The following NOTCH2 variants were observed in gnomAD, a reference collection of about 807,000 sequenced individuals.
NOTCH2 encodes the protein notch receptor 2, also known as neurogenic locus notch homolog protein 2.
Under a neutral mutation model 235.8 loss-of-function variants are expected in NOTCH2, and 29 were observed. That is an observed-to-expected ratio of 0.12 (90% CI 0.09 to 0.17). NOTCH2 has a LOEUF of 0.17. NOTCH2 is among the 10% of genes least tolerant of loss of function. The pLI, the probability that NOTCH2 is intolerant of heterozygous loss-of-function variation, is 1.00. For synonymous variants in NOTCH2, 1,086 were observed against 1,141.5 expected (o/e 0.95, Z 0.98); for missense variants, 2,285 against 3,150.2 (o/e 0.73, Z 6.57).
rs1463326610 is a variant in NOTCH2 at position 119,923,926 on chromosome 1, T to G, written c.4570A>C (p.Ser1524Arg). The G allele has an allele frequency of 6.2e-7, 1 of 1,614,200 alleles. No homozygotes were observed. Among genetic ancestry groups the G allele is most frequent in the Admixed American group, 1.7e-5 (1 of 60,020 alleles). Reference sequence around the variant, plus strand: ...AGCCCATCCCAACCACACTCCTCACTGTTGCACCCCTGGTCACAGTGGTTG... The same window carrying G: ...AGCCCATCCCAACCACACTCCTCACGGTTGCACCCCTGGTCACAGTGGTTG... ...KDNHCDQGCN[S>R]EECGWDGLDC... Residue 1524 changes from serine (S) to arginine (R), a missense_variant, in exon 26 of 34, where the codon AGT becomes CGT. Ser to Arg is a moderately radical substitution (Grantham distance 110, BLOSUM62 -1). This residue lies in a region of NOTCH2 where 1,173 missense variants were observed against 1,515.3 expected (regional missense o/e 0.77). Transcript: ENST00000256646.
intron 12 of NOTCH2, 114 bp from the exon 13 acceptor site, chr1:119,955,346 G>C (rs1557820587): frequency 1.9e-6 from 2 of 1,030,332 alleles, no homozygotes; most frequent in Non-Finnish European, 3.0e-6. Context: ...AAGGTGCCTT[G>C]AGGCACCAAA....
rs1295892038 is a variant in NOTCH2 at position 120,041,145 on chromosome 1, C to T, written c.74-11158G>A. Among the ~76,000 whole-genome samples, 2 of 119,774 alleles carry T rather than the reference C, an allele frequency of 1.7e-5. 1 individual carries two copies. Among genetic ancestry groups the T allele is most frequent in the East Asian group, 4.3e-4 (2 of 4,614 alleles). The allele number at this position is 119,774 out of a possible 152,430, so 78.6% of individuals were successfully genotyped here. A position where few individuals can be genotyped will look rare whatever the true frequency, so the allele number is the denominator to read the frequency against. ...TTCTCCCTTGCTTTGTTTCTTCAGACATACAGCTATGTCCCACATCAACAC... is the reference window on the plus strand; with the variant it reads ...TTCTCCCTTGCTTTGTTTCTTCAGATATACAGCTATGTCCCACATCAACAC... On this transcript the variant is annotated intron_variant, in intron 1 of 33. Coordinates refer to ENST00000256646, the MANE Select transcript of NOTCH2 (RefSeq NM_024408.4).
chr1:119,922,667 C>T lies in NOTCH2; in HGVS notation c.4971G>A (p.Gly1657=), dbSNP rs778982203. Residue 1657 remains glycine (G), a synonymous_variant, in exon 27 of 34, where the codon GGG becomes GGA. Transcript: ENST00000256646. ...CAGACACAAGAGGGTATGACAGGGT[C>T]CCCTGTATGGCGTGAGAGGCCAGGA... ...AALLASHAIQ[G]TLSYPLVSVV... 1 of 1,613,990 alleles carries T rather than the reference C, an allele frequency of 6.2e-7. No homozygotes were observed. Among genetic ancestry groups the T allele is most frequent in the African/African-American group, 1.3e-5 (1 of 74,898 alleles).
rs1443569299 is a variant in NOTCH2 at position 119,915,814 on chromosome 1, G to T, written c.6908C>A (p.Pro2303His). 6.2e-7 allele frequency: 1 copy of T among 1,613,562 alleles called. No individual in the cohort carries two copies. Among genetic ancestry groups the T allele is most frequent in the South Asian group, 1.1e-5 (1 of 91,064 alleles). Reference protein sequence around the residue: ...HITTPREPLPPIVTFQLIPKG... With the variant: ...HITTPREPLPHIVTFQLIPKG... The stretch of plus-strand genomic sequence containing the variant: ...AGGGATGAGCTGGAAAGTCACAATG[G>T]GGGGCAAGGGCTCCCGAGGGGTGGT... The change falls in exon 34 of 34, where the codon CCC (proline) becomes CAC (histidine). Residue 2303 changes from proline (P) to histidine (H), a missense_variant. Pro to His is a moderately conservative substitution (Grantham distance 77, BLOSUM62 -2). This residue lies in a region of NOTCH2 where 504 missense variants were observed against 538.0 expected (regional missense o/e 0.94). Transcript: ENST00000256646.
At chr1:119,966,336 G>C (rs782630062) in intron 9 of NOTCH2, 40 bp downstream of exon 9, 1 of 1,386,302 alleles carries the variant, frequency 7.2e-7, no homozygotes, top group Admixed American at 1.7e-5. Context: ...AGTTGGCTTT[G>C]TGCTTTAAGA....
intron 14 of NOTCH2, among the ~76,000 whole-genome samples, chr1:119,952,657 T>C (rs1479495835): frequency 6.6e-6 from 1 of 152,146 alleles, no homozygotes; most frequent in Non-Finnish European, 1.5e-5. Flanking sequence ...GGAGTGGCTA[T>C]AAATACAGAT....
At chr1:119,954,061 C>T (rs1650592087) in intron 13 of NOTCH2, among the ~76,000 whole-genome samples, 2 of 144,684 alleles carry the variant, frequency 1.4e-5, no homozygotes, top group African/African-American at 5.0e-5. Flanking sequence ...GTTTTTGGTG[C>T]CAAATAGATA....
In NOTCH2 at chr1:119,916,714, C is replaced by G; in HGVS notation, c.6028-20G>C. ...CTCTTCCTACAGAAAAGGCCCATCA[C>G]AGAACACATGTTAATAACACTCTTG... On this transcript the variant is annotated intron_variant, in intron 33 of 33. Transcript: ENST00000256646. The G allele has an allele frequency of 1.2e-6, 2 of 1,613,258 alleles. No homozygotes were observed. Among genetic ancestry groups the G allele is most frequent in the South Asian group, 1.1e-5 (1 of 90,934 alleles).
intron 1 of NOTCH2, among the ~76,000 whole-genome samples, chr1:120,045,840 C>A (rs1267585344): frequency 1.4e-4 from 21 of 152,392 alleles, no homozygotes; most frequent in Non-Finnish European, 2.4e-4. Context: ...AATTTACATT[C>A]TGGACCAGTG....
rs1161526792 is a variant in NOTCH2 at position 119,965,447 on chromosome 1, T to A, written c.1681+6A>T. The A allele has an allele frequency of 6.2e-7, 1 of 1,606,908 alleles. No individual in the cohort carries two copies. Among genetic ancestry groups the A allele is most frequent in the African/African-American group, 1.3e-5 (1 of 74,722 alleles). On this transcript the variant is annotated splice_donor_region_variant and intron_variant, in intron 10 of 33. Coordinates refer to ENST00000256646, the MANE Select transcript of NOTCH2 (RefSeq NM_024408.4). ...CCAAGGAGATGAAAAGTGAGAAGAATCTTACCTGTGGCACACTGGCATTCA... is the reference window on the plus strand; with the variant it reads ...CCAAGGAGATGAAAAGTGAGAAGAAACTTACCTGTGGCACACTGGCATTCA...
rs1387184510 is a variant in NOTCH2 at position 119,918,217 on chromosome 1, T to TA, written c.5929+188dup. Among the ~76,000 whole-genome samples, 6 of 152,316 alleles carry TA rather than the reference T, an allele frequency of 3.9e-5. No individual in the cohort carries two copies. The East Asian group carries it at 1.2e-3, about 29-fold the overall frequency. ...AACCCTCATTAAAAATCCCTCATTT[T>TA]AATTAGGGATCTCCTACTGGCTTGG... On this transcript the variant is annotated intron_variant, in intron 32 of 33. Coordinates refer to ENST00000256646, the MANE Select transcript of NOTCH2 (RefSeq NM_024408.4).
At position 119,955,140 on chromosome 1, in the gene NOTCH2, T is replaced by C; in HGVS notation, c.2119A>G (p.Ile707Val). 2 of 1,614,162 alleles carry C rather than the reference T, an allele frequency of 1.2e-6. No individual in the cohort carries two copies. Among genetic ancestry groups the C allele is most frequent in the Non-Finnish European group, 1.7e-6 (2 of 1,180,022 alleles). The change falls in exon 13 of 34, where the codon ATA (isoleucine) becomes GTA (valine). Residue 707 changes from isoleucine to valine, a missense_variant. By Grantham distance (29) the Ile-to-Val change is conservative. Coordinates refer to ENST00000256646, the MANE Select transcript of NOTCH2 (RefSeq NM_024408.4). Reference sequence around the variant, plus strand: ...GGGTGATGGGGTCCCTCGGGGCATATACAGCGGAAACCATTCACACCGTTG... The same window carrying C: ...GGGTGATGGGGTCCCTCGGGGCATACACAGCGGAAACCATTCACACCGTTG... ...CINGVNGFRCICPEGPHHPSC... is the reference protein window; with the variant it reads ...CINGVNGFRCVCPEGPHHPSC...
chr1:119,931,640 G>A (rs1343121168), intron 22 of NOTCH2, among the ~76,000 whole-genome samples: 3 of 152,014 alleles, frequency 2.0e-5, no homozygotes, highest in Non-Finnish European at 4.4e-5. Context: ...TTAGAATCTG[G>A]CAAAGGTGCC....
intron 33 of NOTCH2, 30 bp from the exon 34 acceptor site, chr1:119,916,724 G>C (rs756823310): frequency 2.1e-5 from 34 of 1,608,602 alleles, no homozygotes; most frequent in Non-Finnish European, 2.8e-5. Flanking sequence ...CAGAACACAT[G>C]TTAATAACAC....
In NOTCH2 at chr1:119,915,701, G is replaced by C; in HGVS notation, c.7021C>G (p.Gln2341Glu). 6.2e-7 allele frequency: 1 copy of C among 1,611,338 alleles called. No homozygotes were observed. ...GGCAAACGGGCCATTTCTGGAATCT[G>C]GTACATGGTGGGCAGGGGGCCCGCA... Reference protein sequence around the residue: ...AVAGPLPTMYQIPEMARLPSV... With the variant: ...AVAGPLPTMYEIPEMARLPSV... Residue 2341 changes from glutamine (Q) to glutamate (E), a missense_variant, in exon 34 of 34, where the codon CAG (glutamine) becomes GAG (glutamate). Gln to Glu is a conservative substitution (Grantham distance 29). Coordinates refer to ENST00000256646, the MANE Select transcript of NOTCH2 (RefSeq NM_024408.4).
intron 17 of NOTCH2, 130 bp from the exon 18 acceptor site, chr1:119,941,884 C>G (rs1553196530): frequency 1.4e-6 from 1 of 723,724 alleles, no homozygotes; most frequent in African/African-American, 1.8e-5. Flanking sequence ...TCAATTTTGC[C>G]AACTCCCTCA....
Position 119,916,446 on chromosome 1 carries a change from G to T in NOTCH2, c.6276C>A (p.Leu2092=), listed in dbSNP as rs768021938. 6.2e-7 allele frequency: 1 copy of T among 1,613,702 alleles called. No homozygotes were observed. The highest frequency in any genetic ancestry group is 8.5e-7 in the Non-Finnish European group (1 of 1,179,758). The change falls in exon 34 of 34, where the codon CTC becomes CTA. Residue 2092 remains leucine, a synonymous_variant. Transcript: ENST00000256646. ...PVICGPNRSF[L]SLKHTPMGKK... is the part of the protein sequence containing the mutation. ...TGCCCATTGGGGTGTGCTTCAGGCT[G>T]AGGAAAGATCTGTTGGGCCCACAGA... is the stretch of plus-strand genomic sequence containing the variant.
At chr1:119,950,533 C>A (rs782571152) in intron 15 of NOTCH2, 191 bp downstream of exon 15, 1 of 697,544 alleles carries the variant, frequency 1.4e-6, no homozygotes, top group South Asian at 1.5e-5. Context: ...GACTGTCCAC[C>A]ACTTGCATCT....
chr1:120,031,204 TGTCAGAACAACTCCTCCAACA>T (rs1654076992), intron 1 of NOTCH2, among the ~76,000 whole-genome samples: 3 of 138,578 alleles, frequency 2.2e-5, no homozygotes, highest in Non-Finnish European at 3.1e-5. Flanking sequence ...GCAAGCTGGA[TGTCAGAACAACTCCTCCAACA>T]ACAATTACTG....
Sources: gnomAD v4.1 joint callset for allele counts (sites outside exome capture counted in the v4.1 genomes callset) on GRCh38, gnomAD v4.1.1 for gene constraint, gnomAD v4.1.1 regional missense constraint, MANE v1.5 for transcripts, NCBI Gene and HGNC (gene_info 2026-07-23, HGNC 2026-07-21) for gene names.